Variants in SGCZ observed in about 807,000 individuals in gnomAD.
The protein encoded by SGCZ is zeta-sarcoglycan.
Under a neutral mutation model 41.3 loss-of-function variants are expected in SGCZ, and 40 were observed. The ratio of observed to expected loss-of-function variants is 0.97; its 90% CI spans 0.75 to 1.26. The LOEUF (loss-of-function observed/expected upper bound fraction) is 1.26. SGCZ is among the 50% of genes most tolerant of loss of function. SGCZ has a pLI of 0.00. For missense variants in SGCZ, 552 were observed against 369.8 expected (o/e 1.49, Z -4.04); for synonymous variants, 206 against 137.5 (o/e 1.50, Z -3.49).
At chr8:14,126,879 C>G (rs986107578) in intron 5 of SGCZ, among the ~76,000 whole-genome samples, 3 of 151,818 alleles carry the variant, frequency 2.0e-5, no homozygotes, top group Non-Finnish European at 4.4e-5. Context: ...CAAACTAACA[C>G]AGAAAATCAA....
intron 1 of SGCZ, among the ~76,000 whole-genome samples, chr8:14,723,570 T>C (rs1249992544): frequency 6.6e-6 from 1 of 152,104 alleles, no homozygotes; most frequent in East Asian, 1.9e-4. Flanking sequence ...CCCTCTCCCA[T>C]TGAGAGGCTC....
At chr8:15,186,830 T>G (rs189646003) in intron 1 of SGCZ, among the ~76,000 whole-genome samples, 10 of 152,322 alleles carry the variant, frequency 6.6e-5, no homozygotes, top group Non-Finnish European at 1.5e-5. Flanking sequence ...GTATTAACTG[T>G]GAACGCTTGT....
At chr8:14,663,653 G>C (rs7826031) in intron 1 of SGCZ, among the ~76,000 whole-genome samples, 61,079 of 152,020 alleles carry the variant, frequency 0.4, 16,332 homozygotes, top group African/African-American at 0.77. Context: ...TCATTAAAAT[G>C]AGCTACTTTT....
At chr8:14,227,496 A>T (rs540561734) in intron 4 of SGCZ, among the ~76,000 whole-genome samples, 6 of 152,218 alleles carry the variant, frequency 3.9e-5, no homozygotes, top group Admixed American at 6.6e-5. Context: ...CAAAACATAG[A>T]GGGATCATAT....
At chr8:14,339,649 T>C (rs1395314332) in intron 2 of SGCZ, among the ~76,000 whole-genome samples, 1 of 152,180 alleles carries the variant, frequency 6.6e-6, no homozygotes, top group Non-Finnish European at 1.5e-5. Flanking sequence ...AAGCATCTAT[T>C]AGTGGAACAC....
intron 4 of SGCZ, among the ~76,000 whole-genome samples, chr8:14,213,673 C>A (rs892604212): frequency 2.4e-4 from 36 of 151,950 alleles, no homozygotes; most frequent in African/African-American, 8.2e-4. Flanking sequence ...ACCTCATGAA[C>A]CTTTTAAATC....
chr8:14,125,326 A>G (rs777557718), intron 5 of SGCZ, among the ~76,000 whole-genome samples: 1 of 152,082 alleles, frequency 6.6e-6, no homozygotes, highest in Non-Finnish European at 1.5e-5. Context: ...ACATGGTGAA[A>G]CCCCGTCTTT....
intron 2 of SGCZ, among the ~76,000 whole-genome samples, chr8:14,350,367 T>A (rs1803044281): frequency 6.6e-6 from 1 of 152,090 alleles, no homozygotes; most frequent in Non-Finnish European, 1.5e-5. Flanking sequence ...TTTACCCAAG[T>A]ATGCTTTTTC....
chr8:14,280,930 C>A (rs538135968), intron 3 of SGCZ, among the ~76,000 whole-genome samples: 1 of 112,440 alleles, frequency 8.9e-6, no homozygotes, highest in Non-Finnish European at 1.9e-5. Context: ...ATCAAACTAC[C>A]GGGTGAATAA....
At position 14,586,015 on chromosome 8, in the gene SGCZ, G is replaced by A. The variant is rs181932961; in HGVS notation, c.40-31089C>T. On this transcript the variant is annotated intron_variant, in intron 1 of 7. Coordinates refer to ENST00000382080, the MANE Select transcript of SGCZ (RefSeq NM_139167.4). The stretch of plus-strand genomic sequence containing the variant: ...AATAAAAAAGAATGGGGGCAATCAT[G>A]TACAGATAATTTTATTTAAAACAAA... Among the ~76,000 whole-genome samples the A allele has an allele frequency of 3.9e-5, 6 of 152,216 alleles. No homozygotes were observed. In the East Asian group the frequency reaches 1.2e-3, roughly 29 times the overall value.
At chr8:14,271,062 G>A (rs372675707) in intron 3 of SGCZ, among the ~76,000 whole-genome samples, 25 of 152,236 alleles carry the variant, frequency 1.6e-4, no homozygotes, top group South Asian at 2.1e-4. Flanking sequence ...TGGGCGGAGC[G>A]GGGAGGGATA....
intron 2 of SGCZ, among the ~76,000 whole-genome samples, chr8:14,352,731 C>T (rs549532564): frequency 9.1e-4 from 138 of 152,170 alleles, no homozygotes; most frequent in Admixed American, 1.8e-3. Context: ...ATATACCTGC[C>T]TATTTTTGCC....
At chr8:14,441,585 A>G (rs1013680357) in intron 2 of SGCZ, among the ~76,000 whole-genome samples, 2 of 152,204 alleles carry the variant, frequency 1.3e-5, no homozygotes, top group African/African-American at 4.8e-5. Flanking sequence ...AAAATAAAAC[A>G]AAATAAAATA....
intron 1 of SGCZ, among the ~76,000 whole-genome samples, chr8:14,795,220 T>C (rs766751774): frequency 3.4e-4 from 51 of 152,190 alleles, no homozygotes; most frequent in Non-Finnish European, 3.1e-4. Context: ...TAGACAATTA[T>C]TGACTAAAGC....
At chr8:15,107,797 T>C (rs1343154842) in intron 1 of SGCZ, among the ~76,000 whole-genome samples, 2 of 152,188 alleles carry the variant, frequency 1.3e-5, no homozygotes, top group Non-Finnish European at 2.9e-5. Context: ...TCTTTGGAGA[T>C]TTGGTGTTTG....
intron 1 of SGCZ, among the ~76,000 whole-genome samples, chr8:14,881,887 T>C (rs1011461935): frequency 1.3e-5 from 2 of 152,136 alleles, no homozygotes; most frequent in African/African-American, 4.8e-5. Context: ...TCTCAGATCA[T>C]AGCGCAATCA....
At chr8:14,225,178 TGAA>T (rs1806329778) in intron 4 of SGCZ, among the ~76,000 whole-genome samples, 1 of 152,136 alleles carries the variant, frequency 6.6e-6, no homozygotes, top group Non-Finnish European at 1.5e-5. Flanking sequence ...TTTTAACCAA[TGAA>T]GATGATAGAT....
intron 2 of SGCZ, among the ~76,000 whole-genome samples, chr8:14,552,358 CAA>C (rs1220920867): frequency 6.6e-6 from 1 of 152,030 alleles, no homozygotes; most frequent in East Asian, 1.9e-4. Flanking sequence ...TGTTACCTTA[CAA>C]AGAGTGTGTC....
chr8:14,436,458 C>T (rs1042365741), intron 2 of SGCZ, among the ~76,000 whole-genome samples: 26 of 152,254 alleles, frequency 1.7e-4, no homozygotes, highest in Non-Finnish European at 2.6e-4. Context: ...AAAGTGTGGG[C>T]CATACACTTT....
Sources: gnomAD v4.1 joint callset for allele counts (sites outside exome capture counted in the v4.1 genomes callset) on GRCh38, gnomAD v4.1.1 for gene constraint, MANE v1.5 for transcripts, NCBI Gene and HGNC (gene_info 2026-07-23, HGNC 2026-07-21) for gene names.